AMBRA1: variants seen among roughly 807,000 people sequenced by gnomAD.
The protein encoded by AMBRA1 is autophagy and beclin 1 regulator 1, also known as activating molecule in BECN1-regulated autophagy protein 1.
In AMBRA1, 47 loss-of-function variants were observed where a neutral mutation model predicts 125.4. The observed-to-expected ratio is 0.37, with a 90% CI of 0.30 to 0.48. The LOEUF (loss-of-function observed/expected upper bound fraction) is 0.48. Among genes scored for constraint, AMBRA1 ranks in the 20% least tolerant of loss-of-function variants. The pLI is 0.99. For synonymous variants in AMBRA1, 626 were observed against 655.5 expected, an observed-to-expected ratio of 0.95 and a Z score of 0.69; for missense variants, 1,331 against 1,693.4, an observed-to-expected ratio of 0.79 and a Z score of 3.76.
intron 11 of AMBRA1, among the ~76,000 whole-genome samples, chr11:46,456,277 C>T (rs529009384): frequency 2.0e-5 from 3 of 152,292 alleles, no homozygotes; most frequent in Non-Finnish European, 1.5e-5. Context: ...GCAGGGATTT[C>T]CTCAAAGCCT....
At chr11:46,572,794 T>G (rs1245385493) in intron 1 of AMBRA1, among the ~76,000 whole-genome samples, 1 of 152,120 alleles carries the variant, frequency 6.6e-6, no homozygotes, top group Non-Finnish European at 1.5e-5. Flanking sequence ...GTCACCAGAT[T>G]TAAAAATAAG....
chr11:46,518,079 A>C, intron 7 of AMBRA1: 1 of 977,174 alleles, frequency 1.0e-6, no homozygotes, highest in Non-Finnish European at 1.2e-6. Context: ...AACATACAAC[A>C]CACAAAAATC....
chr11:46,565,234 G>A (rs1489057295), intron 1 of AMBRA1, among the ~76,000 whole-genome samples: 3 of 151,856 alleles, frequency 2.0e-5, no homozygotes, highest in East Asian at 1.9e-4. Context: ...CTCCAAGCCT[G>A]GGAGACAGAG....
Position 46,524,390 on chromosome 11 carries a change from G to A in AMBRA1, c.2073-11577C>T, listed in dbSNP as rs1050492268. Among the ~76,000 whole-genome samples the A allele has an allele frequency of 3.3e-5, 5 of 152,354 alleles. No individual in the cohort carries two copies. In the South Asian group the frequency reaches 1.0e-3, roughly 32 times the overall value. The stretch of plus-strand genomic sequence containing the variant: ...AATGCACAGGACAGCCTCCCATGGT[G>A]AGGAATTATCCAGCCCCAAATGTCA... On this transcript the variant is annotated intron_variant, in intron 7 of 17. Coordinates refer to ENST00000683756, the MANE Select transcript of AMBRA1 (RefSeq NM_001387011.1).
At chr11:46,470,390 CA>C (rs1949535184) in intron 11 of AMBRA1, among the ~76,000 whole-genome samples, 1 of 151,912 alleles carries the variant, frequency 6.6e-6, no homozygotes, top group Non-Finnish European at 1.5e-5. Flanking sequence ...AGATCGAGAC[CA>C]ATCCTGGCTA....
intron 8 of AMBRA1, 91 bp from the exon 9 acceptor site, chr11:46,508,461 C>T: frequency 7.6e-7 from 1 of 1,318,432 alleles, no homozygotes; most frequent in Non-Finnish European, 1.1e-6. Flanking sequence ...ATGGCATCTC[C>T]CTGCTGAGGT....
At chr11:46,507,009 C>CAAA (rs1195308304) in intron 9 of AMBRA1, among the ~76,000 whole-genome samples, 9 of 79,880 alleles carry the variant, frequency 1.1e-4, no homozygotes, top group African/African-American at 4.0e-4. Context: ...ACTAAAAATA[C>CAAA]AAAAAAAAAA....
In AMBRA1 at chr11:46,400,033, A is replaced by G. The variant is rs183606678; in HGVS notation, c.3404-2090T>C. Among the ~76,000 whole-genome samples the G allele has an allele frequency of 5.3e-5, 8 of 152,284 alleles. No homozygotes were observed. In the East Asian group the frequency reaches 1.5e-3, roughly 29 times the overall value. On this transcript the variant is annotated intron_variant, in intron 17 of 17. Coordinates refer to ENST00000683756, the MANE Select transcript of AMBRA1 (RefSeq NM_001387011.1). Reference sequence around the variant, plus strand: ...AACGCACAGCCCAGGCACTTGGTCAACGGTGCCTGTTGTGATTAACTTGGG... The same window carrying G: ...AACGCACAGCCCAGGCACTTGGTCAGCGGTGCCTGTTGTGATTAACTTGGG...
At chr11:46,444,168 C>A (rs943430342) in intron 11 of AMBRA1, among the ~76,000 whole-genome samples, 1 of 152,132 alleles carries the variant, frequency 6.6e-6, no homozygotes, top group Non-Finnish European at 1.5e-5. Context: ...AGGTAATATT[C>A]ATTCATCTCT....
intron 7 of AMBRA1, among the ~76,000 whole-genome samples, chr11:46,526,535 A>AAAAATT (rs1388515986): frequency 3.3e-5 from 5 of 150,778 alleles, no homozygotes; most frequent in East Asian, 3.9e-4. Context: ...AATATAAAAA[A>AAAAATT]AAAATTAAAA....
At chr11:46,516,116 C>T (rs759341402) in intron 7 of AMBRA1, among the ~76,000 whole-genome samples, 9 of 152,136 alleles carry the variant, frequency 5.9e-5, no homozygotes, top group Non-Finnish European at 5.9e-5. Flanking sequence ...TTTTGGAACA[C>T]GCATCCCCTG....
chr11:46,530,399 C>A (rs1224190700), intron 7 of AMBRA1, among the ~76,000 whole-genome samples: 1 of 152,182 alleles, frequency 6.6e-6, no homozygotes, highest in Non-Finnish European at 1.5e-5. Context: ...AAGCATACTG[C>A]CTGGAGGATC....
At chr11:46,532,191 C>T (rs1214399696) in intron 7 of AMBRA1, among the ~76,000 whole-genome samples, 2 of 151,946 alleles carry the variant, frequency 1.3e-5, no homozygotes, top group Admixed American at 6.6e-5. Flanking sequence ...TGGATTTTTC[C>T]AATCACTTAA....
At chr11:46,485,801 T>C (rs1201232037) in intron 11 of AMBRA1, among the ~76,000 whole-genome samples, 3 of 152,108 alleles carry the variant, frequency 2.0e-5, no homozygotes, top group Admixed American at 6.6e-5. Context: ...GGCCCAGTAT[T>C]TTTCCCTAGA....
intron 1 of AMBRA1, among the ~76,000 whole-genome samples, chr11:46,553,277 T>C (rs1056913007): frequency 6.6e-6 from 1 of 152,140 alleles, no homozygotes; most frequent in African/African-American, 2.4e-5. Context: ...TAACTATTTA[T>C]TGTAAAAAGC....
At chr11:46,584,759 C>T (rs997099746) in intron 1 of AMBRA1, among the ~76,000 whole-genome samples, 8 of 151,998 alleles carry the variant, frequency 5.3e-5, no homozygotes, top group African/African-American at 1.9e-4. Context: ...CAGGCATGCA[C>T]CACCATTTCC....
intron 7 of AMBRA1, among the ~76,000 whole-genome samples, chr11:46,517,695 C>A (rs1388435701): frequency 1.1e-4 from 16 of 149,850 alleles, no homozygotes; most frequent in Non-Finnish European, 5.9e-5. Context: ...TTAGCCGGGC[C>A]TGGTGGCACA....
Position 46,397,292 on chromosome 11 carries a change from T to C in AMBRA1, c.*158A>G, listed in dbSNP as rs1945502203. On this transcript the variant is annotated 3_prime_UTR_variant, in exon 18 of 18. Transcript: ENST00000683756. ...GCAGGCCTTGCCCATTTGACTGTCTTGTGCCCACTGACTGATCTTCCTCTC... is the reference window on the plus strand; with the variant it reads ...GCAGGCCTTGCCCATTTGACTGTCTCGTGCCCACTGACTGATCTTCCTCTC... The C allele has an allele frequency of 7.6e-6, 8 of 1,046,612 alleles. No individual in the cohort carries two copies. Among genetic ancestry groups the C allele is most frequent in the East Asian group, 5.7e-5 (2 of 35,132 alleles). 64.8% of individuals were successfully genotyped at this position (1,046,612 alleles called of 1,614,324 possible).
chr11:46,526,192 G>A (rs1416387216), intron 7 of AMBRA1, among the ~76,000 whole-genome samples: 1 of 152,034 alleles, frequency 6.6e-6, no homozygotes, highest in Non-Finnish European at 1.5e-5. Context: ...GGCAACAAGA[G>A]CGAAACATCG....
Sources: gnomAD v4.1 joint callset for allele counts (sites outside exome capture counted in the v4.1 genomes callset) on GRCh38, gnomAD v4.1.1 for gene constraint, MANE v1.5 for transcripts, NCBI Gene and HGNC (gene_info 2026-07-23, HGNC 2026-07-21) for gene names.